SORCS2: variants seen among roughly 807,000 people sequenced by gnomAD.
SORCS2 encodes the protein VPS10 domain-containing receptor SorCS2.
SORCS2 carries 100 observed loss-of-function variants against 141.6 expected under a neutral mutation model. The ratio of observed to expected loss-of-function variants is 0.71; its 90% CI spans 0.60 to 0.83. The LOEUF is 0.83. SORCS2 is among the 40% of genes least tolerant of loss of function. The probability of loss-of-function intolerance (pLI) is 0.00; values close to 1 mark genes in which losing one functional copy is unlikely to be tolerated. For missense variants in SORCS2, 1,646 were observed against 1,560.2 expected, an observed-to-expected ratio of 1.05 and a Z score of -0.93; for synonymous variants, 789 against 676.9, an observed-to-expected ratio of 1.17 and a Z score of -2.57.
intron 12 of SORCS2, among the ~76,000 whole-genome samples, chr4:7,699,638 G>C (rs1371610405): frequency 6.6e-6 from 1 of 152,168 alleles, no homozygotes; most frequent in African/African-American, 2.4e-5. Flanking sequence ...GCCAGGGAAG[G>C]GGGCTGCAGC....
intron 1 of SORCS2, among the ~76,000 whole-genome samples, chr4:7,222,627 G>A (rs1728778531): frequency 6.6e-6 from 1 of 152,200 alleles, no homozygotes; most frequent in Admixed American, 6.5e-5. Context: ...TTCCAGTAGA[G>A]CTGTTTCAAG....
At chr4:7,654,487 C>G (rs564395646) in intron 5 of SORCS2, among the ~76,000 whole-genome samples, 1 of 152,310 alleles carries the variant, frequency 6.6e-6, no homozygotes, top group East Asian at 1.9e-4. Context: ...ACCCATGAAC[C>G]AGCTATGTGG....
At chr4:7,576,036 T>C (rs1715727410) in intron 3 of SORCS2, among the ~76,000 whole-genome samples, 1 of 152,216 alleles carries the variant, frequency 6.6e-6, no homozygotes, top group Non-Finnish European at 1.5e-5. Flanking sequence ...CACATATCAG[T>C]GAACAAACAA....
intron 2 of SORCS2, among the ~76,000 whole-genome samples, chr4:7,493,679 G>T (rs1731439921): frequency 6.6e-6 from 1 of 152,234 alleles, no homozygotes; most frequent in South Asian, 2.1e-4. Context: ...GTGGGTGCAT[G>T]TGTGTGTCCC....
At chr4:7,278,349 C>A (rs547653571) in intron 1 of SORCS2, among the ~76,000 whole-genome samples, 1 of 152,300 alleles carries the variant, frequency 6.6e-6, no homozygotes, top group South Asian at 2.1e-4. Flanking sequence ...GGTCTTCGTT[C>A]TTCTTCATCA....
chr4:7,311,567 C>T (rs895739870), intron 1 of SORCS2, among the ~76,000 whole-genome samples: 3 of 152,146 alleles, frequency 2.0e-5, no homozygotes, highest in East Asian at 1.9e-4. Flanking sequence ...ACTTTAGAGT[C>T]GTGTTTTTAG....
intron 11 of SORCS2, among the ~76,000 whole-genome samples, chr4:7,693,747 GAGTCTCAGAGC>G (rs1560488236): frequency 6.6e-6 from 1 of 152,246 alleles, no homozygotes; most frequent in Non-Finnish European, 1.5e-5. Flanking sequence ...TCAGGGAACT[GAGTCTCAGAGC>G]CAGTTGCAGG....
chr4:7,485,540 C>A (rs1243439609), intron 2 of SORCS2, among the ~76,000 whole-genome samples: 1 of 152,242 alleles, frequency 6.6e-6, no homozygotes, highest in Non-Finnish European at 1.5e-5. Context: ...CTAGCTTCTC[C>A]CTGGCGGCTC....
At chr4:7,716,003 G>A (rs890616049) in intron 17 of SORCS2, among the ~76,000 whole-genome samples, 6 of 152,212 alleles carry the variant, frequency 3.9e-5, no homozygotes, top group African/African-American at 1.4e-4. Context: ...ATGAGGGGAA[G>A]GCATCACCAA....
intron 2 of SORCS2, among the ~76,000 whole-genome samples, chr4:7,452,859 T>TCC (rs1728560400): frequency 7.3e-6 from 1 of 137,642 alleles, no homozygotes; most frequent in African/African-American, 2.7e-5. Context: ...GGTCAGGTGC[T>TCC]GTGTTGGGGT....
At chr4:7,224,674 G>A (rs1728898382) in intron 1 of SORCS2, among the ~76,000 whole-genome samples, 1 of 152,266 alleles carries the variant, frequency 6.6e-6, no homozygotes, top group Non-Finnish European at 1.5e-5. Flanking sequence ...AGGCCCCACC[G>A]CCAACACTGG....
intron 3 of SORCS2, among the ~76,000 whole-genome samples, chr4:7,554,150 C>G (rs1419067568): frequency 1.3e-5 from 2 of 152,052 alleles, no homozygotes; most frequent in Non-Finnish European, 2.9e-5. Context: ...CCTTGATCTC[C>G]TAAGGGGGCA....
intron 8 of SORCS2, among the ~76,000 whole-genome samples, chr4:7,674,850 G>C (rs1723014799): frequency 6.6e-6 from 1 of 150,530 alleles, no homozygotes; most frequent in Non-Finnish European, 1.5e-5. Context: ...TATCAGATGA[G>C]AACATGCGAA....
chr4:7,454,343 T>C (rs1226976698), intron 2 of SORCS2, among the ~76,000 whole-genome samples: 158 of 93,636 alleles, frequency 1.7e-3, no homozygotes, highest in Middle Eastern at 0.01. Flanking sequence ...TGTGTTGGGG[T>C]CAGGCACTGT....
chr4:7,494,613 C>A (rs1731503612), intron 2 of SORCS2, among the ~76,000 whole-genome samples: 1 of 152,232 alleles, frequency 6.6e-6, no homozygotes, highest in Non-Finnish European at 1.5e-5. Flanking sequence ...ACCCTAATCA[C>A]CTCCCAAAGG....
At chr4:7,703,424 T>A in intron 13 of SORCS2, 53 bp downstream of exon 13, 1 of 1,480,414 alleles carries the variant, frequency 6.8e-7, no homozygotes, top group Non-Finnish European at 9.2e-7. Flanking sequence ...GGCTCTTTCT[T>A]TCCACCTGGG....
At chr4:7,264,876 G>A (rs1714616520) in intron 1 of SORCS2, among the ~76,000 whole-genome samples, 1 of 152,204 alleles carries the variant, frequency 6.6e-6, no homozygotes, top group Admixed American at 6.5e-5. Flanking sequence ...GTCCAGTCCT[G>A]CCCTCACCCT....
At chr4:7,513,785 G>A (rs1004153833) in intron 2 of SORCS2, among the ~76,000 whole-genome samples, 9 of 152,212 alleles carry the variant, frequency 5.9e-5, no homozygotes, top group African/African-American at 2.2e-4. Context: ...AGCGCTTAAA[G>A]GCATCTTGTC....
chr4:7,436,031 G>A (rs886433044), intron 2 of SORCS2, among the ~76,000 whole-genome samples: 1 of 152,270 alleles, frequency 6.6e-6, no homozygotes, highest in Non-Finnish European at 1.5e-5. Flanking sequence ...ATGCAATAGT[G>A]CAGGGTGCTT....
Sources: gnomAD v4.1 joint callset for allele counts (sites outside exome capture counted in the v4.1 genomes callset) on GRCh38, gnomAD v4.1.1 for gene constraint, MANE v1.5 for transcripts, NCBI Gene and HGNC (gene_info 2026-07-23, HGNC 2026-07-21) for gene names.